RABGAP1L: variants seen among roughly 807,000 people sequenced by gnomAD.
RABGAP1L encodes the protein rab GTPase-activating protein 1-like.
RABGAP1L carries 63 observed loss-of-function variants against 137.7 expected under a neutral mutation model. That is an observed-to-expected ratio of 0.46 (90% confidence interval 0.37 to 0.56). The LOEUF is 0.56. Among genes scored for constraint, RABGAP1L ranks in the 20% least tolerant of loss-of-function variants. RABGAP1L has a pLI of 0.00. For missense variants in RABGAP1L, 1,095 were observed against 1,244.0 expected, an observed-to-expected ratio of 0.88 and a Z score of 1.80; for synonymous variants, 431 against 433.7, an observed-to-expected ratio of 0.99 and a Z score of 0.08.
At chr1:174,328,428 A>G (rs1392846732) in intron 11 of RABGAP1L, among the ~76,000 whole-genome samples, 1 of 152,194 alleles carries the variant, frequency 6.6e-6, no homozygotes, top group Non-Finnish European at 1.5e-5. Context: ...ATTAAACAAT[A>G]TACTCCTGAA....
intron 13 of RABGAP1L, among the ~76,000 whole-genome samples, chr1:174,609,504 G>T (rs1671025445): frequency 6.6e-6 from 1 of 152,064 alleles, no homozygotes; most frequent in Non-Finnish European, 1.5e-5. Flanking sequence ...ACGAGAGGAG[G>T]ACTGTAACCA....
intron 13 of RABGAP1L, among the ~76,000 whole-genome samples, chr1:174,500,076 T>G (rs543958401): frequency 2.2e-4 from 33 of 150,656 alleles, no homozygotes; most frequent in Admixed American, 7.9e-4. Context: ...GTGGCAGGCT[T>G]CTTCTTTTTT....
At chr1:174,944,655 A>G (rs1028332916) in intron 19 of RABGAP1L, among the ~76,000 whole-genome samples, 3 of 151,858 alleles carry the variant, frequency 2.0e-5, no homozygotes, top group Non-Finnish European at 2.9e-5. Context: ...AAAAAAAAAA[A>G]AAAAAAAAAG....
chr1:174,841,336 G>A (rs1030873098), intron 19 of RABGAP1L, among the ~76,000 whole-genome samples: 1 of 151,964 alleles, frequency 6.6e-6, no homozygotes, highest in Non-Finnish European at 1.5e-5. Context: ...TCATCACCTG[G>A]ACATTTTAAA....
chr1:174,302,998 G>T (rs1349214483), intron 10 of RABGAP1L, among the ~76,000 whole-genome samples: 1 of 151,100 alleles, frequency 6.6e-6, no homozygotes, highest in African/African-American at 2.4e-5. Flanking sequence ...AGGTTGTGGA[G>T]TACTTATAAA....
At chr1:174,878,610 T>C (rs541393040) in intron 19 of RABGAP1L, among the ~76,000 whole-genome samples, 1 of 152,262 alleles carries the variant, frequency 6.6e-6, no homozygotes, top group African/African-American at 2.4e-5. Context: ...TGAAAGAGTA[T>C]ATCATAACAT....
intron 13 of RABGAP1L, among the ~76,000 whole-genome samples, chr1:174,410,443 A>G (rs1034369853): frequency 1.3e-5 from 2 of 152,164 alleles, no homozygotes; most frequent in Admixed American, 6.6e-5. Context: ...CTAGCCAACT[A>G]TCCCGTAATA....
intron 20 of RABGAP1L, chr1:174,965,110 G>C (rs1179747707): frequency 6.1e-6 from 4 of 651,728 alleles, no homozygotes; most frequent in African/African-American, 3.7e-5. Flanking sequence ...TATCCATAAG[G>C]GGTGAAACTA....
chr1:174,865,075 G>A (rs1220817553), intron 19 of RABGAP1L, among the ~76,000 whole-genome samples: 2 of 152,126 alleles, frequency 1.3e-5, no homozygotes, highest in Non-Finnish European at 2.9e-5. Flanking sequence ...CCAAGAGATT[G>A]CGCCACTGCA....
At chr1:174,520,828 C>T (rs1264624359) in intron 13 of RABGAP1L, among the ~76,000 whole-genome samples, 1 of 151,888 alleles carries the variant, frequency 6.6e-6, no homozygotes, top group East Asian at 1.9e-4. Flanking sequence ...TGGTGAAACC[C>T]CGTCTCTACT....
intron 11 of RABGAP1L, among the ~76,000 whole-genome samples, chr1:174,325,903 C>T (rs115141133): frequency 7.2e-5 from 11 of 152,224 alleles, no homozygotes; most frequent in Admixed American, 5.9e-4. Flanking sequence ...GACTTGAGGG[C>T]CTGACTGGCT....
chr1:174,494,954 G>A (rs1341509260), intron 13 of RABGAP1L, among the ~76,000 whole-genome samples: 1 of 152,138 alleles, frequency 6.6e-6, no homozygotes, highest in Non-Finnish European at 1.5e-5. Context: ...AGTTTCTACA[G>A]GGCAGGGAAG....
chr1:174,251,719 C>G (rs952044999), intron 6 of RABGAP1L, among the ~76,000 whole-genome samples: 2 of 152,136 alleles, frequency 1.3e-5, no homozygotes, highest in Non-Finnish European at 2.9e-5. Context: ...ACATCACAGT[C>G]ATCTCAAATT....
At chr1:174,290,622 C>A (rs1416011855) in intron 10 of RABGAP1L, among the ~76,000 whole-genome samples, 1 of 152,130 alleles carries the variant, frequency 6.6e-6, no homozygotes, top group African/African-American at 2.4e-5. Flanking sequence ...TCAGAACACA[C>A]ATGTTTTTGA....
At chr1:174,814,250 A>G (rs1690154909) in intron 19 of RABGAP1L, among the ~76,000 whole-genome samples, 5 of 152,178 alleles carry the variant, frequency 3.3e-5, no homozygotes, top group South Asian at 4.1e-4. Context: ...ATAGGTAAAT[A>G]TGAATATTTT....
At chr1:174,345,696 T>C (rs1168364234) in intron 11 of RABGAP1L, among the ~76,000 whole-genome samples, 1 of 152,210 alleles carries the variant, frequency 6.6e-6, no homozygotes, top group Non-Finnish European at 1.5e-5. Flanking sequence ...CAAAGAAAGA[T>C]AATTGGCTTC....
chr1:174,159,768 A>C (rs1353104259), intron 1 of RABGAP1L, 111 bp downstream of exon 1: 1 of 152,342 alleles, frequency 6.6e-6, no homozygotes, highest in Non-Finnish European at 1.5e-5. Flanking sequence ...GAGGGTCGAG[A>C]TGGGGCCCCA....
chr1:174,950,687 C>T (rs1421833594), intron 19 of RABGAP1L, among the ~76,000 whole-genome samples: 1 of 152,132 alleles, frequency 6.6e-6, no homozygotes, highest in Non-Finnish European at 1.5e-5. Flanking sequence ...TCTATTTTTT[C>T]TCTGTCCATT....
At chr1:174,316,699 A>G (rs894690451) in intron 11 of RABGAP1L, among the ~76,000 whole-genome samples, 1 of 152,192 alleles carries the variant, frequency 6.6e-6, no homozygotes, top group Non-Finnish European at 1.5e-5. Flanking sequence ...TACCATCAGC[A>G]GGTGGCAAAG....
Sources: gnomAD v4.1 joint callset for allele counts (sites outside exome capture counted in the v4.1 genomes callset) on GRCh38, gnomAD v4.1.1 for gene constraint, MANE v1.5 for transcripts, NCBI Gene and HGNC (gene_info 2026-07-23, HGNC 2026-07-21) for gene names.